Variants in COL25A1 observed in about 807,000 individuals in gnomAD.
COL25A1 encodes collagen alpha-1(XXV) chain.
In COL25A1, 103 loss-of-function variants were observed where a neutral mutation model predicts 128.4. The ratio of observed to expected loss-of-function variants is 0.80; its 90% CI spans 0.68 to 0.94. The LOEUF (loss-of-function observed/expected upper bound fraction) is 0.94, where lower values mean the gene tolerates loss of function less well. Among genes scored for constraint, COL25A1 ranks in the 40% least tolerant of loss-of-function variants. COL25A1 has a pLI of 0.00. For missense variants in COL25A1, 745 were observed against 840.0 expected (o/e 0.89, Z 1.40); for synonymous variants, 279 against 277.2 (o/e 1.01, Z -0.06).
At chr4:109,232,330 A>G (rs1779213544) in intron 3 of COL25A1, among the ~76,000 whole-genome samples, 1 of 138,528 alleles carries the variant, frequency 7.2e-6, no homozygotes, top group South Asian at 2.3e-4. Context: ...AGTTCGTATT[A>G]CTATTTCAGT....
At chr4:109,091,625 C>T (rs1396795691) in intron 3 of COL25A1, among the ~76,000 whole-genome samples, 1 of 151,978 alleles carries the variant, frequency 6.6e-6, no homozygotes, top group Non-Finnish European at 1.5e-5. Flanking sequence ...ATATCACTTC[C>T]TGAGAGTTCT....
At chr4:108,991,849 T>C (rs1428237060) in intron 6 of COL25A1, among the ~76,000 whole-genome samples, 1 of 152,168 alleles carries the variant, frequency 6.6e-6, no homozygotes, top group East Asian at 1.9e-4. Flanking sequence ...ATTAAAAACA[T>C]ATGAATAGAA....
In COL25A1 at chr4:108,947,237, T is replaced by C. The variant is rs142736189; in HGVS notation, c.493-5800A>G. Among the ~76,000 whole-genome samples, 1,244 of 150,620 alleles carry C rather than the reference T, an allele frequency of 8.3e-3. 10 individuals are homozygous for C. The highest frequency in any genetic ancestry group is 0.014 in the Non-Finnish European group (936 of 67,564). ...GGCGGGCAGATCACAAGGTCAGGAG[T>C]TCGAGACCAGCCTGGCCAACATGGT... On this transcript the variant is annotated intron_variant, in intron 8 of 37. Transcript: ENST00000399132.
At chr4:109,132,905 C>T (rs1205384718) in intron 3 of COL25A1, among the ~76,000 whole-genome samples, 1 of 151,978 alleles carries the variant, frequency 6.6e-6, no homozygotes, top group African/African-American at 2.4e-5. Flanking sequence ...GATTAATTCA[C>T]AGTGATATAA....
chr4:108,911,435 T>C lies in COL25A1; in HGVS notation c.780+6737A>G, dbSNP rs1056809369. On this transcript the variant is annotated intron_variant, in intron 13 of 37. Transcript: ENST00000399132. ...ATAATACTTCGCAATACTCTATAGA[T>C]TTTTCATATAATTGTTCATTTAATC... is the stretch of plus-strand genomic sequence containing the variant. 1.4e-4 allele frequency among the ~76,000 whole-genome samples: 7 copies of C among 50,738 alleles called. No individual in the cohort carries two copies. In the Admixed American group the frequency reaches 2.0e-3, roughly 14 times the overall value. 33.3% of individuals were successfully genotyped at this position (50,738 alleles called of 152,430 possible).
intron 3 of COL25A1, among the ~76,000 whole-genome samples, chr4:109,188,971 A>C (rs1003129478): frequency 2.0e-5 from 3 of 152,122 alleles, no homozygotes; most frequent in African/African-American, 7.2e-5. Flanking sequence ...AACATCATAC[A>C]GTTTTTTAAA....
At position 109,086,947 on chromosome 4, in the gene COL25A1, T is replaced by C. The variant is rs533413029; in HGVS notation, c.368-36768A>G. Reference sequence around the variant, plus strand: ...CATGGAGTGCTGTCTCTTTCCAAAGTGGCCCAGTGGAAGTTGAGGGAGACA... The same window carrying C: ...CATGGAGTGCTGTCTCTTTCCAAAGCGGCCCAGTGGAAGTTGAGGGAGACA... On this transcript the variant is annotated intron_variant, in intron 3 of 37. Coordinates refer to ENST00000399132, the MANE Select transcript of COL25A1 (RefSeq NM_198721.4). Among the ~76,000 whole-genome samples the C allele has an allele frequency of 1.2e-4, 18 of 152,308 alleles. No homozygotes were observed. In the South Asian group the frequency reaches 3.7e-3, roughly 32 times the overall value.
At chr4:109,161,491 C>T (rs1373256392) in intron 3 of COL25A1, among the ~76,000 whole-genome samples, 6 of 151,790 alleles carry the variant, frequency 4.0e-5, no homozygotes, top group Non-Finnish European at 5.9e-5. Flanking sequence ...ATATAATTAC[C>T]TGAATTGATT....
chr4:109,150,402 A>G (rs902113113), intron 3 of COL25A1, among the ~76,000 whole-genome samples: 6 of 152,102 alleles, frequency 3.9e-5, no homozygotes, highest in Non-Finnish European at 7.4e-5. Flanking sequence ...TGGGGTCATA[A>G]TTTCTAAACT....
Position 108,940,689 on chromosome 4 carries a change from TA to T in COL25A1, c.565-44del. On this transcript the variant is annotated intron_variant, in intron 9 of 37. Coordinates refer to ENST00000399132, the MANE Select transcript of COL25A1 (RefSeq NM_198721.4). ...ACAGACCAGCAATAACCATGAAAGA[TA>T]AAGACCCAGGTCTTCTTTTCAGCAC... is the stretch of plus-strand genomic sequence containing the variant. The T allele has an allele frequency of 3.8e-6, 5 of 1,321,456 alleles. No individual in the cohort carries two copies. In the South Asian group the frequency reaches 7.0e-5, roughly 18 times the overall value. The allele number at this position is 1,321,456 out of a possible 1,614,324, so 81.9% of individuals were successfully genotyped here. A position where few individuals can be genotyped will look rare whatever the true frequency, so the allele number is the denominator to read the frequency against.
intron 5 of COL25A1, among the ~76,000 whole-genome samples, chr4:109,019,375 C>CACATATATATATATAT (rs1338511772): frequency 5.9e-4 from 29 of 48,856 alleles, no homozygotes; most frequent in East Asian, 6.3e-4. Flanking sequence ...CACACACACA[C>CACATATATATATATAT]ATATATATAT....
intron 5 of COL25A1, among the ~76,000 whole-genome samples, chr4:109,040,877 A>G (rs1759817055): frequency 6.6e-6 from 1 of 152,170 alleles, no homozygotes; most frequent in Non-Finnish European, 1.5e-5. Context: ...ATTTGAAAAG[A>G]AGCAAATTTA....
intron 3 of COL25A1, among the ~76,000 whole-genome samples, chr4:109,222,256 G>T (rs1337071041): frequency 6.6e-6 from 1 of 151,774 alleles, no homozygotes; most frequent in Non-Finnish European, 1.5e-5. Context: ...TAGAGCCGGG[G>T]TTTCACCATG....
At chr4:109,118,997 A>C (rs999263808) in intron 3 of COL25A1, among the ~76,000 whole-genome samples, 1 of 152,078 alleles carries the variant, frequency 6.6e-6, no homozygotes, top group Non-Finnish European at 1.5e-5. Context: ...ACTTAAAAGA[A>C]TAGAAAGTAT....
intron 13 of COL25A1, among the ~76,000 whole-genome samples, chr4:108,911,600 G>A (rs1744230911): frequency 6.6e-6 from 1 of 152,132 alleles, no homozygotes; most frequent in African/African-American, 2.4e-5. Flanking sequence ...ATGAATGACT[G>A]AGGAAATTAA....
Position 109,302,301 on chromosome 4 carries a change from A to C in COL25A1, c.-189T>G. The stretch of plus-strand genomic sequence containing the variant: ...TGGGGTAAAAAGCAAGACGAAACCC[A>C]CCCAGACAGCTCTTCCGACTCCCAG... On this transcript the variant is annotated 5_prime_UTR_variant, in exon 1 of 38. Transcript: ENST00000399132. The C allele has an allele frequency of 4.8e-6, 2 of 417,978 alleles. No individual in the cohort carries two copies. The highest frequency in any genetic ancestry group is 8.5e-6 in the Non-Finnish European group (2 of 235,766). The allele number at this position is 417,978 out of a possible 1,614,324, so 25.9% of individuals were successfully genotyped here.
chr4:108,957,501 T>C (rs1750202388), intron 8 of COL25A1, among the ~76,000 whole-genome samples: 1 of 152,198 alleles, frequency 6.6e-6, no homozygotes, highest in Admixed American at 6.5e-5. Flanking sequence ...GAATAATTAG[T>C]TCAGAAGACA....
At chr4:108,827,967 C>T (rs1438048956) in intron 32 of COL25A1, among the ~76,000 whole-genome samples, 1 of 152,144 alleles carries the variant, frequency 6.6e-6, no homozygotes, top group Non-Finnish European at 1.5e-5. Context: ...TCTCTGCTAC[C>T]CTCACTAGAA....
At chr4:109,151,959 G>T (rs374234979) in intron 3 of COL25A1, among the ~76,000 whole-genome samples, 7 of 152,128 alleles carry the variant, frequency 4.6e-5, no homozygotes, top group African/African-American at 1.4e-4. Flanking sequence ...TTAATTGGAT[G>T]CCTGACTGGA....
Sources: gnomAD v4.1 joint callset for allele counts (sites outside exome capture counted in the v4.1 genomes callset) on GRCh38, gnomAD v4.1.1 for gene constraint, MANE v1.5 for transcripts, NCBI Gene and HGNC (gene_info 2026-07-23, HGNC 2026-07-21) for gene names.